Variants in NBPF10 observed in about 807,000 individuals in gnomAD.
The protein encoded by NBPF10 is NBPF family member NBPF10.
Under a neutral mutation model 77.9 loss-of-function variants are expected in NBPF10, and 63 were observed. The observed-to-expected ratio is 0.81, with a 90% CI of 0.66 to 1.00. NBPF10 has a LOEUF of 1.00. NBPF10 is among the 50% of genes least tolerant of loss of function. NBPF10 has a pLI of 0.00. For missense variants in NBPF10, 522 were observed against 679.8 expected (o/e 0.77, Z 2.58); for synonymous variants, 146 against 264.5 (o/e 0.55, Z 4.35).
At chr1:146,067,432 A>C in intron 88 of NBPF10, 144 bp from the exon 89 acceptor site, 2 of 358,344 alleles carry the variant, frequency 5.6e-6, no homozygotes, top group South Asian at 4.6e-5. Flanking sequence ...AGGAGGCCTG[A>C]AGGCTGGTCA....
At chr1:146,076,296 C>G (rs1471409808) in intron 77 of NBPF10, among the ~76,000 whole-genome samples, 1 of 13,902 alleles carries the variant, frequency 7.2e-5, no homozygotes. Flanking sequence ...CACACACACA[C>G]ACACACAGAG....
At chr1:146,076,294 C>CACACAG (rs1656044233) in intron 77 of NBPF10, among the ~76,000 whole-genome samples, 5 of 12,962 alleles carry the variant, frequency 3.9e-4, no homozygotes, top group Non-Finnish European at 1.3e-3. Flanking sequence ...CACACACACA[C>CACACAG]ACACACACAG....
intron 35 of NBPF10, among the ~76,000 whole-genome samples, chr1:146,109,339 C>A (rs879979717): frequency 8.6e-5 from 9 of 104,504 alleles, no homozygotes; most frequent in African/African-American, 2.3e-4. Flanking sequence ...CACACACACA[C>A]ACACACAGAG....
At chr1:146,125,697 C>T (rs1443649006) in intron 14 of NBPF10, among the ~76,000 whole-genome samples, 181 bp from the exon 15 acceptor site, 2 of 130,938 alleles carry the variant, frequency 1.5e-5, no homozygotes, top group Non-Finnish European at 3.3e-5. Context: ...GTTTTTGTCC[C>T]AGAAACTGTG....
chr1:146,066,424 T>A (rs782080988), exon 90 of NBPF10: 2 of 820,048 alleles, frequency 2.4e-6, no homozygotes, highest in South Asian at 1.8e-5. Flanking sequence ...GTGCTGTTCC[T>A]CAAATGAGTA....
intron 35 of NBPF10, among the ~76,000 whole-genome samples, chr1:146,109,317 C>G (rs1657346745): frequency 1.0e-5 from 1 of 99,384 alleles, no homozygotes; most frequent in African/African-American, 3.6e-5. Flanking sequence ...GATAGACACA[C>G]ACACACACAC....
chr1:146,139,330 C>T (rs1411001639), intron 5 of NBPF10, among the ~76,000 whole-genome samples: 8 of 151,566 alleles, frequency 5.3e-5, no homozygotes, highest in Non-Finnish European at 1.2e-4. Context: ...AGGATGGTCT[C>T]AATCTCCTGA....
At chr1:146,126,241 A>G (rs782289264) in exon 14 of NBPF10, 2 of 1,605,890 alleles carry the variant, frequency 1.2e-6, no homozygotes, top group African/African-American at 1.3e-5. Context: ...CTCACCATCC[A>G]TGTCAATAGC....
At chr1:146,142,062 CA>C (rs1660363120) in intron 2 of NBPF10, among the ~76,000 whole-genome samples, 1 of 126,472 alleles carries the variant, frequency 7.9e-6, no homozygotes, top group Non-Finnish European at 1.8e-5. Flanking sequence ...CTTCTGTAAA[CA>C]AAAGTAGGTG....
chr1:146,125,681 TC>T (rs1404391040), intron 14 of NBPF10, among the ~76,000 whole-genome samples, 165 bp from the exon 15 acceptor site: 3 of 129,752 alleles, frequency 2.3e-5, no homozygotes, highest in African/African-American at 8.7e-5. Flanking sequence ...CCACAGAGAT[TC>T]CTTGGTTTTT....
intron 14 of NBPF10, 86 bp downstream of exon 14, chr1:146,126,150 G>T (rs587642958): frequency 9.2e-6 from 8 of 868,518 alleles, no homozygotes; most frequent in Admixed American, 1.8e-5. Flanking sequence ...ACATCTCTCA[G>T]CTCAGTAACG....
In NBPF10 at chr1:146,126,366, C is replaced by G. The variant is rs12135693; in HGVS notation, c.1896G>C (p.Leu632Phe). ...AATAACATCTATCCTGTGAGTCCTG[C>G]AAGACTTCAGGCCCTTTCTCATCCA... The change falls in exon 14 of 90, where the codon TTG becomes TTC. Residue 632 changes from leucine (L) to phenylalanine (F), a missense_variant. Coordinates refer to ENST00000583866, the Ensembl canonical transcript of NBPF10. The G allele has an allele frequency of 4.8e-3, 6,653 of 1,389,106 alleles. 201 individuals are homozygous for G. Among genetic ancestry groups the G allele is most frequent in the African/African-American group, 0.044 (2,930 of 66,536 alleles). The allele number at this position is 1,389,106 out of a possible 1,614,324, so 86.0% of individuals were successfully genotyped here. A position where few individuals can be genotyped will look rare whatever the true frequency, so the allele number is the denominator to read the frequency against.
intron 35 of NBPF10, among the ~76,000 whole-genome samples, 195 bp from the exon 36 acceptor site, chr1:146,109,309 T>C (rs1197590603): frequency 9.0e-4 from 80 of 88,810 alleles, no homozygotes; most frequent in African/African-American, 2.7e-3. Flanking sequence ...GAAAGACAGA[T>C]AGACACACAC....
exon 14 of NBPF10, chr1:146,126,375 A>T (rs1553789946): frequency 7.3e-7 from 1 of 1,376,000 alleles, no homozygotes. Context: ...GCAAGACTTC[A>T]GGCCCTTTCT....
intron 89 of NBPF10, among the ~76,000 whole-genome samples, chr1:146,066,854 G>A (rs1384813315): frequency 1.3e-5 from 2 of 151,356 alleles, no homozygotes; most frequent in Admixed American, 1.3e-4. Flanking sequence ...AGGACACTCT[G>A]ACTTAGTGCC....
At chr1:146,066,728 G>C (rs1384215062) in intron 89 of NBPF10, among the ~76,000 whole-genome samples, 167 bp from the exon 90 acceptor site, 2 of 150,040 alleles carry the variant, frequency 1.3e-5, no homozygotes, top group Non-Finnish European at 3.0e-5. Flanking sequence ...ATAGAACAGG[G>C]CCAGGTAGAA....
At position 146,142,712 on chromosome 1, in the gene NBPF10, C is replaced by T. The variant is rs1553797913; in HGVS notation, c.216G>A (p.Arg72=). The stretch of plus-strand genomic sequence containing the variant: ...TCTCCTCCTTGAACTGTCGCTCATT[C>T]CTCAGCATAAATTTTATGAGGTCTT... Residue 72 remains arginine, a synonymous_variant, in exon 2 of 90, where the codon AGG becomes AGA. Transcript: ENST00000583866. 10 of 1,362,526 alleles carry T rather than the reference C, an allele frequency of 7.3e-6. 3 individuals are homozygous for T. The South Asian group carries it at 1.1e-4, about 14-fold the overall frequency. The allele number at this position is 1,362,526 out of a possible 1,614,324, so 84.4% of individuals were successfully genotyped here.
chr1:146,136,431 A>T (rs1553794982), exon 7 of NBPF10: 1 of 1,612,290 alleles, frequency 6.2e-7, no homozygotes, highest in African/African-American at 1.3e-5. Context: ...CATAAATTTT[A>T]TGAGGTCTTT....
chr1:146,068,238 T>C, intron 87 of NBPF10, 63 bp from the exon 88 acceptor site: 1 of 259,592 alleles, frequency 3.9e-6, no homozygotes, highest in Non-Finnish European at 7.0e-6. Context: ...CAGCCCCAGC[T>C]AGATTTCATG....
Sources: allele counts gnomAD v4.1 joint callset (sites outside exome capture counted in the v4.1 genomes callset), GRCh38; gene constraint gnomAD v4.1.1; transcripts MANE v1.5; gene names NCBI Gene and HGNC (gene_info 2026-07-23, HGNC 2026-07-21).